Variants in CSGALNACT1 observed in about 807,000 individuals in gnomAD.
CSGALNACT1 encodes the protein beta4GalNAcT-1.
CSGALNACT1 carries 52 observed loss-of-function variants against 51.0 expected under a neutral mutation model. The observed-to-expected ratio is 1.02, with a 90% confidence interval of 0.82 to 1.29. The LOEUF is 1.29. Among genes scored for constraint, CSGALNACT1 ranks in the 50% most tolerant of loss-of-function variants. CSGALNACT1 has a pLI of 0.00. For synonymous variants in CSGALNACT1, 341 were observed against 254.4 expected, an observed-to-expected ratio of 1.34 and a Z score of -3.24; for missense variants, 935 against 679.2, an observed-to-expected ratio of 1.38 and a Z score of -4.19.
intron 5 of CSGALNACT1, among the ~76,000 whole-genome samples, chr8:19,449,525 A>G (rs2062718093): frequency 6.8e-6 from 1 of 146,568 alleles, no homozygotes. Flanking sequence ...GCTCATTTCA[A>G]TTTCCGAGAC....
chr8:19,684,658 A>C (rs545309026), upstream of CSGALNACT1, among the ~76,000 whole-genome samples: 1 of 152,230 alleles, frequency 6.6e-6, no homozygotes, highest in Non-Finnish European at 1.5e-5. Context: ...AAAGAAGCTT[A>C]AACAGCAGGG....
intron 1 of CSGALNACT1, among the ~76,000 whole-genome samples, chr8:19,756,283 T>C (rs771908469): frequency 2.0e-5 from 3 of 152,218 alleles, no homozygotes; most frequent in Non-Finnish European, 4.4e-5. Context: ...ACGTATCTAA[T>C]GACGTTAAGT....
chr8:19,525,923 G>T (rs944620434), intron 3 of CSGALNACT1, among the ~76,000 whole-genome samples: 1 of 152,094 alleles, frequency 6.6e-6, no homozygotes, highest in Non-Finnish European at 1.5e-5. Context: ...CTATATAACC[G>T]TAGTGCAATA....
chr8:19,521,908 T>G (rs1221657754), intron 3 of CSGALNACT1, among the ~76,000 whole-genome samples: 1 of 152,234 alleles, frequency 6.6e-6, no homozygotes, highest in Non-Finnish European at 1.5e-5. Flanking sequence ...TACCAATCCC[T>G]GCGTCGTGGT....
rs1310852309 is a variant in CSGALNACT1, at chr8:19,506,150, A to G, written c.-296-20T>C. The G allele has an allele frequency of 1.8e-6, 1 of 568,730 alleles. No individual in the cohort carries two copies. Among genetic ancestry groups the G allele is most frequent in the Non-Finnish European group, 3.3e-6 (1 of 301,030 alleles). The allele number at this position is 568,730 out of a possible 1,614,324, so 35.2% of individuals were successfully genotyped here. A position where few individuals can be genotyped will look rare whatever the true frequency, so the allele number is the denominator to read the frequency against. ...GGGGACCTGGGAAGAAACACAAATG[A>G]CATCAACACTTAATCAAGACAACGA... is the stretch of plus-strand genomic sequence containing the variant. On this transcript the variant is annotated intron_variant, in intron 3 of 9. Transcript: ENST00000454498.
intron 5 of CSGALNACT1, among the ~76,000 whole-genome samples, chr8:19,446,587 CA>C: frequency 6.6e-6 from 1 of 152,144 alleles, no homozygotes; most frequent in Non-Finnish European, 1.5e-5. Context: ...CATCTTGGCT[CA>C]CCAAAGCATC....
intron 5 of CSGALNACT1, among the ~76,000 whole-genome samples, chr8:19,440,759 G>A (rs1208710848): frequency 1.3e-5 from 2 of 151,846 alleles, no homozygotes; most frequent in South Asian, 2.1e-4. Context: ...ATTCAATTAG[G>A]AAAAGAGGAA....
At chr8:19,465,815 G>C (rs137979998) in intron 4 of CSGALNACT1, among the ~76,000 whole-genome samples, 5 of 151,902 alleles carry the variant, frequency 3.3e-5, no homozygotes, top group Non-Finnish European at 5.9e-5. Flanking sequence ...TGATACGCTT[G>C]TGTTAGCCTA....
At chr8:19,617,199 G>T (rs573001461) in intron 1 of CSGALNACT1, among the ~76,000 whole-genome samples, 1 of 152,038 alleles carries the variant, frequency 6.6e-6, no homozygotes, top group African/African-American at 2.4e-5. Context: ...ATCTAATGTC[G>T]CCAATTATCT....
chr8:19,583,923 T>A (rs1281590568), intron 3 of CSGALNACT1, among the ~76,000 whole-genome samples: 5 of 152,236 alleles, frequency 3.3e-5, no homozygotes, highest in Admixed American at 6.5e-5. Context: ...GGCTGAATAC[T>A]GACAGCCATC....
chr8:19,685,063 A>G (rs1408908956), upstream of CSGALNACT1, among the ~76,000 whole-genome samples: 2 of 152,218 alleles, frequency 1.3e-5, no homozygotes, highest in African/African-American at 4.8e-5. Flanking sequence ...TGACTATGGT[A>G]AAGAGCACAA....
At chr8:19,600,811 G>T (rs2050245064) in intron 2 of CSGALNACT1, among the ~76,000 whole-genome samples, 2 of 149,506 alleles carry the variant, frequency 1.3e-5, no homozygotes, top group Admixed American at 6.6e-5. Flanking sequence ...TATCTTAATA[G>T]TGTGACAAAA....
intron 2 of CSGALNACT1, among the ~76,000 whole-genome samples, chr8:19,595,316 T>C (rs2048661428): frequency 6.6e-6 from 1 of 152,234 alleles, no homozygotes; most frequent in African/African-American, 2.4e-5. Flanking sequence ...TGTGGATGAC[T>C]GAGACTTTCA....
At chr8:19,544,887 G>A (rs1296250730) in intron 3 of CSGALNACT1, among the ~76,000 whole-genome samples, 3 of 152,126 alleles carry the variant, frequency 2.0e-5, no homozygotes, top group Non-Finnish European at 2.9e-5. Flanking sequence ...GACAACAAAG[G>A]AAGAGGCTAT....
intron 3 of CSGALNACT1, among the ~76,000 whole-genome samples, chr8:19,541,782 G>A (rs2085229404): frequency 2.0e-5 from 3 of 151,764 alleles, no homozygotes; most frequent in Admixed American, 2.0e-4. Flanking sequence ...CTTAATAAAT[G>A]TATTTTGTAA....
intron 1 of CSGALNACT1, among the ~76,000 whole-genome samples, chr8:19,722,294 T>C (rs1460454830): frequency 1.3e-5 from 2 of 152,190 alleles, no homozygotes; most frequent in African/African-American, 4.8e-5. Context: ...TCCATCAGTA[T>C]TTTTTATTTA....
intron 4 of CSGALNACT1, among the ~76,000 whole-genome samples, chr8:19,468,044 TTCTAGAGAGAAAG>T (rs937985852): frequency 2.0e-5 from 3 of 152,176 alleles, no homozygotes; most frequent in African/African-American, 7.2e-5. Flanking sequence ...AGGATTCACA[TTCTAGAGAGAAAG>T]ACAGGTAAAC....
chr8:19,588,410 C>T (rs944130039), intron 3 of CSGALNACT1, among the ~76,000 whole-genome samples: 4 of 152,064 alleles, frequency 2.6e-5, no homozygotes, highest in African/African-American at 9.7e-5. Flanking sequence ...TTATTTGATT[C>T]CAAGTAACTT....
intron 1 of CSGALNACT1, among the ~76,000 whole-genome samples, chr8:19,700,126 G>GA (rs36041049): frequency 9.3e-5 from 13 of 139,150 alleles, no homozygotes; most frequent in South Asian, 2.2e-4. Context: ...AAAAAAAAAA[G>GA]AAAAAAAAAA....
Sources: allele counts gnomAD v4.1 joint callset (sites outside exome capture counted in the v4.1 genomes callset), GRCh38; gene constraint gnomAD v4.1.1; transcripts MANE v1.5; gene names NCBI Gene and HGNC (gene_info 2026-07-23, HGNC 2026-07-21).